SULT1C4: variants seen among roughly 807,000 people sequenced by gnomAD.
SULT1C4 encodes the protein sulfotransferase 1C4.
Under a neutral mutation model 34.8 loss-of-function variants are expected in SULT1C4, and 32 were observed. The observed-to-expected ratio is 0.92, with a 90% CI of 0.69 to 1.23. SULT1C4 has a LOEUF of 1.23. Ranked by LOEUF, SULT1C4 falls within the 50% of genes most tolerant of loss-of-function variation. The probability of loss-of-function intolerance (pLI) is 0.00; values close to 1 mark genes in which losing one functional copy is unlikely to be tolerated. For missense variants in SULT1C4, 375 were observed against 365.9 expected, an observed-to-expected ratio of 1.02 and a Z score of -0.20; for synonymous variants, 111 against 120.5, an observed-to-expected ratio of 0.92 and a Z score of 0.51.
At position 108,381,823 on chromosome 2, in the gene SULT1C4, TA is replaced by T; in HGVS notation, c.234del (p.Lys78AsnfsTer14). The T allele has an allele frequency of 1.3e-6, 2 of 1,502,022 alleles. No individual in the cohort carries two copies. The highest frequency in any genetic ancestry group is 1.4e-5 in the South Asian group (1 of 70,554). The allele number at this position is 1,502,022 out of a possible 1,614,324, so 93.0% of individuals were successfully genotyped here. A position where few individuals can be genotyped will look rare whatever the true frequency, so the allele number is the denominator to read the frequency against. On this transcript the variant is annotated frameshift_variant, in exon 2 of 7. Transcript: ENST00000272452. LOFTEE classifies it high-confidence loss of function. ...AAAATGAAGGTGATGTGGAGAAAAGTAAACGGGCACCGACTCATCAACGATT... is the reference window on the plus strand; with the variant it reads ...AAAATGAAGGTGATGTGGAGAAAAGTAACGGGCACCGACTCATCAACGATT... ...IQNEGDVEKS[K>X]RAPTHQRFPF... is the part of the protein sequence containing the mutation.
rs1230829086 is a variant in SULT1C4 at position 108,382,479 on chromosome 2, T to A, written c.390T>A (p.Cys130Ter). The change falls in exon 3 of 7, where the codon TGT becomes TGA. Residue 130 changes from cysteine (C) to a stop codon, truncating the protein, a stop_gained. Transcript: ENST00000272452. LOFTEE classifies it high-confidence loss of function. ...CACCATCCTTGCTAGAGAAAAACTG[T>A]AAGGTAAAAAAGCAAAAGGAATTCA... ...LLPPSLLEKN[C>*]KIIYVARNPK... The A allele has an allele frequency of 9.3e-6, 15 of 1,613,782 alleles. No individual in the cohort carries two copies. The highest frequency in any genetic ancestry group is 1.3e-5 in the African/African-American group (1 of 74,904).
In SULT1C4 at chr2:108,383,463, A is replaced by G; in HGVS notation, c.568A>G (p.Lys190Glu). The G allele has an allele frequency of 6.2e-7, 1 of 1,614,216 alleles. No homozygotes were observed. Among genetic ancestry groups the G allele is most frequent in the Non-Finnish European group, 8.5e-7 (1 of 1,180,020 alleles). ...ACATGTGAAAGGATGGTGGGAAGCCAAAGACAAACACCGTATTCTCTATCT... is the reference window on the plus strand; with the variant it reads ...ACATGTGAAAGGATGGTGGGAAGCCGAAGACAAACACCGTATTCTCTATCT... The part of the protein sequence containing the change: ...HEHVKGWWEA[K>E]DKHRILYLFY... The change falls in exon 5 of 7, where the codon AAA becomes GAA. Residue 190 changes from lysine (K) to glutamate (E), a missense_variant. Physicochemically the swap from Lys to Glu is moderately conservative, Grantham distance 56 (BLOSUM62 1). Transcript: ENST00000272452.
intron 5 of SULT1C4, 145 bp downstream of exon 5, chr2:108,383,655 C>T (rs1364164330): frequency 3.1e-6 from 2 of 648,926 alleles, no homozygotes; most frequent in East Asian, 5.6e-5. Flanking sequence ...TGTCAAAGTG[C>T]ACATGGCTGA....
rs1187941102 is a variant in SULT1C4 at position 108,384,966 on chromosome 2, T to TAAG, written c.616-1225_616-1223dup. 2.0e-5 allele frequency among the ~76,000 whole-genome samples: 3 copies of TAAG among 152,228 alleles called. No homozygotes were observed. In the South Asian group the frequency reaches 6.2e-4, roughly 32 times the overall value. ...ACATCACCATTTAGATGCACTTCTC[T>TAAG]AAGGTTCAATCACTGCTGGGCCTTG... On this transcript the variant is annotated intron_variant, in intron 5 of 6. Coordinates refer to ENST00000272452, the MANE Select transcript of SULT1C4 (RefSeq NM_006588.4).
At chr2:108,386,103 T>C (rs1678559651) in intron 5 of SULT1C4, 89 bp from the exon 6 acceptor site, 1 of 1,048,494 alleles carries the variant, frequency 9.5e-7, no homozygotes, top group Non-Finnish European at 1.3e-6. Flanking sequence ...GCTCGTAATA[T>C]GTTACCGGTT....
Position 108,382,338 on chromosome 2 carries a change from T to TAG in SULT1C4, c.296-45_296-44dup, listed in dbSNP as rs200909127. The TAG allele has an allele frequency of 2.6e-3, 3,467 of 1,348,756 alleles. 1 individual carries two copies. Among genetic ancestry groups the TAG allele is most frequent in the African/African-American group, 3.2e-3 (199 of 61,292 alleles). The allele number at this position is 1,348,756 out of a possible 1,614,324, so 83.5% of individuals were successfully genotyped here. On this transcript the variant is annotated intron_variant, in intron 2 of 6. Coordinates refer to ENST00000272452, the MANE Select transcript of SULT1C4 (RefSeq NM_006588.4). Reference sequence around the variant, plus strand: ...GGAAGCAGCAAGACTTGGAAGCAAATAGATAAAAAAAAAATCGTAGAAATT... The same window carrying TAG: ...GGAAGCAGCAAGACTTGGAAGCAAATAGAGATAAAAAAAAAATCGTAGAAATT...
At chr2:108,385,738 CA>C (rs201307179) in intron 5 of SULT1C4, among the ~76,000 whole-genome samples, 2 of 147,572 alleles carry the variant, frequency 1.4e-5, no homozygotes, top group Admixed American at 6.7e-5. Context: ...TTGAGGCATG[CA>C]AAAAAAAAAC....
In SULT1C4 at chr2:108,383,419, G is replaced by C. The variant is rs775578071; in HGVS notation, c.524G>C (p.Cys175Ser). The change falls in exon 5 of 7, where the codon TGC (cysteine) becomes TCC (serine). Residue 175 changes from cysteine to serine, a missense_variant. Coordinates refer to ENST00000272452, the MANE Select transcript of SULT1C4 (RefSeq NM_006588.4). ...YFETFLAGKV[C>S]WGSWHEHVKG... ...TGTTTTCCATCCCATCCTCCAGTGT[G>C]CTGGGGCTCCTGGCATGAACATGTG... is the stretch of plus-strand genomic sequence containing the variant. 2.5e-6 allele frequency: 4 copies of C among 1,614,064 alleles called. No individual in the cohort carries two copies. Among genetic ancestry groups the C allele is most frequent in the Middle Eastern group, 1.6e-4 (1 of 6,062 alleles).
Position 108,382,342 on chromosome 2 carries a change from T to TA in SULT1C4, c.296-33dup, listed in dbSNP as rs41503048. 8,724 of 1,373,908 alleles carry TA rather than the reference T, an allele frequency of 6.3e-3. 4 individuals carry two copies. The highest frequency in any genetic ancestry group is 7.5e-3 in the Non-Finnish European group (7,384 of 985,576). 85.1% of individuals were successfully genotyped at this position (1,373,908 alleles called of 1,614,324 possible). A position where few individuals can be genotyped will look rare whatever the true frequency, so the allele number is the denominator to read the frequency against. ...GCAGCAAGACTTGGAAGCAAATAGA[T>TA]AAAAAAAAAATCGTAGAAATTGATC... is the stretch of plus-strand genomic sequence containing the variant. On this transcript the variant is annotated intron_variant, in intron 2 of 6. Transcript: ENST00000272452.
chr2:108,384,144 C>T (rs1317542801), intron 5 of SULT1C4, among the ~76,000 whole-genome samples: 1 of 152,110 alleles, frequency 6.6e-6, no homozygotes, highest in Non-Finnish European at 1.5e-5. Flanking sequence ...GCTAGGATTA[C>T]AGGCATGAGC....
chr2:108,382,347 A>AC (rs1678427252), intron 2 of SULT1C4, 38 bp from the exon 3 acceptor site: 2 of 1,560,242 alleles, frequency 1.3e-6, no homozygotes, highest in South Asian at 2.3e-5. Context: ...ATAGATAAAA[A>AC]AAAAATCGTA....
Position 108,383,223 on chromosome 2 carries a change from A to G in SULT1C4, c.520+4A>G. 1.2e-6 allele frequency: 2 copies of G among 1,607,810 alleles called. No homozygotes were observed. Among genetic ancestry groups the G allele is most frequent in the Non-Finnish European group, 1.7e-6 (2 of 1,178,566 alleles). On this transcript the variant is annotated splice_donor_region_variant and intron_variant, in intron 4 of 6. Transcript: ENST00000272452. ...GAGACTTTTCTGGCTGGGAAAGGTG[A>G]GAGAATTTAGCTTTGTTTCCCTTCG... is the stretch of plus-strand genomic sequence containing the variant.
chr2:108,381,817 GA>G lies in SULT1C4; in HGVS notation c.229del (p.Ser77ValfsTer15). On this transcript the variant is annotated frameshift_variant, in exon 2 of 7. Coordinates refer to ENST00000272452, the MANE Select transcript of SULT1C4 (RefSeq NM_006588.4). LOFTEE classifies it high-confidence loss of function. ...TAATACAAAATGAAGGTGATGTGGA[GA>G]AAAGTAAACGGGCACCGACTCATCA... is the stretch of plus-strand genomic sequence containing the variant. ...ELIQNEGDVE[K>X]SKRAPTHQRF... 7 of 1,499,080 alleles carry G rather than the reference GA, an allele frequency of 4.7e-6. No homozygotes were observed. The highest frequency in any genetic ancestry group is 6.2e-6 in the Non-Finnish European group (7 of 1,128,524). 92.9% of individuals were successfully genotyped at this position (1,499,080 alleles called of 1,614,324 possible). A position where few individuals can be genotyped will look rare whatever the true frequency, so the allele number is the denominator to read the frequency against.
At chr2:108,380,993 C>T (rs1474912915) in intron 1 of SULT1C4, among the ~76,000 whole-genome samples, 1 of 152,134 alleles carries the variant, frequency 6.6e-6, no homozygotes, top group East Asian at 1.9e-4. Flanking sequence ...ATACTAAGTG[C>T]TAATGGTCAA....
At chr2:108,384,312 G>T (rs150282034) in intron 5 of SULT1C4, among the ~76,000 whole-genome samples, 12,264 of 152,064 alleles carry the variant, frequency 0.081, 563 homozygotes, top group South Asian at 0.18. Flanking sequence ...CTCACTGCAA[G>T]CTCCGCCTCC....
intron 5 of SULT1C4, among the ~76,000 whole-genome samples, chr2:108,383,889 G>A (rs1480773292): frequency 4.0e-5 from 6 of 151,062 alleles, no homozygotes; most frequent in Admixed American, 3.3e-4. Flanking sequence ...TTGAGACAGA[G>A]GAGGAGTTTC....
At chr2:108,382,227 T>C in intron 2 of SULT1C4, 158 bp from the exon 3 acceptor site, 1 of 689,520 alleles carries the variant, frequency 1.5e-6, no homozygotes. Flanking sequence ...AGTCAAAACA[T>C]CTATTCATAG....
At chr2:108,385,502 T>G (rs919188809) in intron 5 of SULT1C4, among the ~76,000 whole-genome samples, 1 of 152,170 alleles carries the variant, frequency 6.6e-6, no homozygotes, top group African/African-American at 2.4e-5. Flanking sequence ...CATACAAGCT[T>G]TTAAAGCAGA....
chr2:108,382,794 T>G (rs545147407), intron 3 of SULT1C4: 1 of 354,882 alleles, frequency 2.8e-6, no homozygotes, highest in Non-Finnish European at 5.0e-6. Flanking sequence ...TCCAAGCTAC[T>G]CAGGAGGCTG....
Sources: allele counts gnomAD v4.1 joint callset (sites outside exome capture counted in the v4.1 genomes callset), GRCh38; gene constraint gnomAD v4.1.1; transcripts MANE v1.5; gene names NCBI Gene and HGNC (gene_info 2026-07-23, HGNC 2026-07-21).